MACROD2: variants seen among roughly 807,000 people sequenced by gnomAD.
MACROD2 encodes mono-ADP ribosylhydrolase 2, also known as ADP-ribose glycohydrolase MACROD2.
Under a neutral mutation model 70.4 loss-of-function variants are expected in MACROD2, and 36 were observed. The observed-to-expected ratio is 0.51, with a 90% confidence interval of 0.39 to 0.68. The LOEUF is 0.68. Ranked by LOEUF, MACROD2 falls within the 30% of genes least tolerant of loss-of-function variation. The pLI is 0.00. For missense variants in MACROD2, 496 were observed against 538.4 expected (o/e 0.92, Z 0.78); for synonymous variants, 172 against 178.8 (o/e 0.96, Z 0.30).
chr20:14,393,871 TA>T (rs960230970), intron 3 of MACROD2, among the ~76,000 whole-genome samples: 1 of 152,134 alleles, frequency 6.6e-6, no homozygotes, highest in African/African-American at 2.4e-5. Flanking sequence ...AGCCCTATGT[TA>T]GGATTACTGT....
Position 14,900,948 on chromosome 20 carries a change from G to A in MACROD2, c.418+215989G>A, listed in dbSNP as rs112486959. Among the ~76,000 whole-genome samples, 625 of 152,084 alleles carry A rather than the reference G, an allele frequency of 4.1e-3. 3 individuals are homozygous for A. Among genetic ancestry groups the A allele is most frequent in the African/African-American group, 0.014 (590 of 41,538 alleles). On this transcript the variant is annotated intron_variant, in intron 5 of 17. Transcript: ENST00000684519. ...ACCAATTCTATTTCCCTTCAGCAAA[G>A]CATTAATTATTGTGAAATACTAATG... is the stretch of plus-strand genomic sequence containing the variant.
At chr20:14,825,859 G>T (rs1231267776) in intron 5 of MACROD2, among the ~76,000 whole-genome samples, 1 of 152,122 alleles carries the variant, frequency 6.6e-6, no homozygotes, top group Non-Finnish European at 1.5e-5. Context: ...TGGATTATAG[G>T]TTTTCGAATG....
chr20:14,469,283 C>T (rs1033417827), intron 3 of MACROD2, among the ~76,000 whole-genome samples: 2 of 152,180 alleles, frequency 1.3e-5, no homozygotes, highest in Admixed American at 6.5e-5. Flanking sequence ...TGTAGGGTTT[C>T]TGCAGAGAGA....
intron 3 of MACROD2, among the ~76,000 whole-genome samples, chr20:14,289,726 G>A (rs937365109): frequency 1.3e-5 from 2 of 152,056 alleles, no homozygotes; most frequent in African/African-American, 4.8e-5. Flanking sequence ...ATTTTTGGTA[G>A]AGACAGGGTC....
In MACROD2 at chr20:15,744,413, G is replaced by T. The variant is rs540940372; in HGVS notation, c.646-118332G>T. Among the ~76,000 whole-genome samples the T allele has an allele frequency of 1.3e-3, 205 of 152,256 alleles. 1 individual carries two copies. The highest frequency in any genetic ancestry group is 3.5e-3 in the African/African-American group (146 of 41,544). ...TGCCTAGTCTAGTAATGGAGTTAAG[G>T]TCACTTTATTTGAAGGTACTAAGCT... is the stretch of plus-strand genomic sequence containing the variant. On this transcript the variant is annotated intron_variant, in intron 8 of 17. Coordinates refer to ENST00000684519, the MANE Select transcript of MACROD2 (RefSeq NM_001351661.2).
intron 5 of MACROD2, among the ~76,000 whole-genome samples, chr20:14,728,034 G>A (rs2071550627): frequency 6.6e-6 from 1 of 152,042 alleles, no homozygotes; most frequent in Admixed American, 6.6e-5. Flanking sequence ...TTAAACTAGA[G>A]CCACAGAGAA....
Position 14,822,325 on chromosome 20 carries a change from A to G in MACROD2, c.418+137366A>G, listed in dbSNP as rs189814672. ...ACATAAGATGGATAACTTTCCACTG[A>G]AGATGGATAAGTTTTAGGGTATCTG... On this transcript the variant is annotated intron_variant, in intron 5 of 17. Transcript: ENST00000684519. Among the ~76,000 whole-genome samples, 18 of 152,250 alleles carry G rather than the reference A, an allele frequency of 1.2e-4. 1 individual carries two copies. In the East Asian group the frequency reaches 3.5e-3, roughly 29 times the overall value.
At chr20:14,006,497 T>C (rs1032528971) in intron 2 of MACROD2, among the ~76,000 whole-genome samples, 5 of 152,252 alleles carry the variant, frequency 3.3e-5, no homozygotes, top group Admixed American at 2.0e-4. Context: ...GTTGTTTTAC[T>C]AAAATACTAT....
At chr20:14,718,733 TTC>T (rs1266950310) in intron 5 of MACROD2, among the ~76,000 whole-genome samples, 1 of 152,082 alleles carries the variant, frequency 6.6e-6, no homozygotes, top group Middle Eastern at 3.2e-3. Flanking sequence ...GAAACAAAAT[TTC>T]ATTGTTTGGA....
chr20:15,424,554 CAA>C lies in MACROD2; in HGVS notation c.541-6846_541-6845del, dbSNP rs760538748. ...GAAACATAGTGAGACCTCGTCTCTA[CAA>C]AAAATAAAAACAAATTAGCCAGATG... On this transcript the variant is annotated intron_variant, in intron 6 of 17. Coordinates refer to ENST00000684519, the MANE Select transcript of MACROD2 (RefSeq NM_001351661.2). Among the ~76,000 whole-genome samples, 135 of 152,156 alleles carry C rather than the reference CAA, an allele frequency of 8.9e-4. 2 individuals are homozygous for C. The highest frequency in any genetic ancestry group is 1.3e-3 in the African/African-American group (53 of 41,508).
chr20:15,408,822 CTGG>C, intron 6 of MACROD2, among the ~76,000 whole-genome samples: 1 of 152,202 alleles, frequency 6.6e-6, no homozygotes, highest in Non-Finnish European at 1.5e-5. Context: ...CAAAGGAAAT[CTGG>C]AGGGAATCTT....
At chr20:16,003,074 C>CACA (rs1568700473) in intron 15 of MACROD2, among the ~76,000 whole-genome samples, 10 of 37,666 alleles carry the variant, frequency 2.7e-4, no homozygotes, top group East Asian at 1.9e-3. Flanking sequence ...GAAAACCCAC[C>CACA]CACCCACCCA....
chr20:16,023,902 C>T (rs1242453538), intron 15 of MACROD2, among the ~76,000 whole-genome samples: 1 of 152,112 alleles, frequency 6.6e-6, no homozygotes, highest in Non-Finnish European at 1.5e-5. Context: ...CTGTCCTCTA[C>T]AAGGGCTGAA....
chr20:14,712,425 C>T (rs534984859), intron 5 of MACROD2, among the ~76,000 whole-genome samples: 16 of 152,114 alleles, frequency 1.1e-4, no homozygotes, highest in Non-Finnish European at 1.9e-4. Flanking sequence ...ATAGATACCG[C>T]GGGTTGGAAC....
At chr20:15,735,978 A>G (rs139029925) in intron 8 of MACROD2, among the ~76,000 whole-genome samples, 124 of 152,328 alleles carry the variant, frequency 8.1e-4, no homozygotes, top group African/African-American at 2.8e-3. Flanking sequence ...GGATATATAT[A>G]CATATATCTG....
intron 5 of MACROD2, among the ~76,000 whole-genome samples, chr20:15,064,788 C>T (rs1418431748): frequency 6.6e-6 from 1 of 152,176 alleles, no homozygotes; most frequent in Non-Finnish European, 1.5e-5. Flanking sequence ...CGCAAAACGG[C>T]ACACTTGGTC....
intron 8 of MACROD2, among the ~76,000 whole-genome samples, chr20:15,742,931 T>A (rs1435819821): frequency 6.6e-6 from 1 of 152,256 alleles, no homozygotes; most frequent in Non-Finnish European, 1.5e-5. Context: ...GTGGACCTGC[T>A]GTTCTTGTGT....
At chr20:14,431,380 A>G (rs1440768942) in intron 3 of MACROD2, among the ~76,000 whole-genome samples, 1 of 152,126 alleles carries the variant, frequency 6.6e-6, no homozygotes, top group Admixed American at 6.6e-5. Context: ...CTTAGAAGAA[A>G]GGTCACAAGA....
At chr20:14,994,104 A>G (rs1241219447) in intron 5 of MACROD2, among the ~76,000 whole-genome samples, 1 of 152,206 alleles carries the variant, frequency 6.6e-6, no homozygotes, top group Non-Finnish European at 1.5e-5. Context: ...TTACATACAC[A>G]GACATGCCTA....
Sources: gnomAD v4.1 joint callset for allele counts (sites outside exome capture counted in the v4.1 genomes callset) on GRCh38, gnomAD v4.1.1 for gene constraint, MANE v1.5 for transcripts, NCBI Gene and HGNC (gene_info 2026-07-23, HGNC 2026-07-21) for gene names.